STARD13: variants seen among roughly 807,000 people sequenced by gnomAD.
The protein encoded by STARD13 is stAR-related lipid transfer protein 13.
STARD13 carries 62 observed loss-of-function variants against 106.4 expected under a neutral mutation model. That is an observed-to-expected ratio of 0.58 (90% CI 0.48 to 0.72). The LOEUF (loss-of-function observed/expected upper bound fraction) is 0.72. STARD13 is among the 30% of genes least tolerant of loss of function. STARD13 has a pLI of 0.00. For missense variants in STARD13, 1,387 were observed against 1,424.0 expected (o/e 0.97, Z 0.42); for synonymous variants, 565 against 553.0 (o/e 1.02, Z -0.31).
rs181959489 is a variant in STARD13 at position 33,265,569 on chromosome 13, C to G, written c.169+19901G>C. Among the ~76,000 whole-genome samples, 39 of 152,218 alleles carry G rather than the reference C, an allele frequency of 2.6e-4. No homozygotes were observed. In the East Asian group the frequency reaches 6.6e-3, roughly 26 times the overall value. ...TTATGTTGTATTTGGGCAAATTTTA[C>G]TCTAAGAATTATAAAATATGAAATA... On this transcript the variant is annotated intron_variant, in intron 1 of 13. Coordinates refer to ENST00000336934, the MANE Select transcript of STARD13 (RefSeq NM_178006.4).
At chr13:33,444,859 C>G in the STARD13 span, among the ~76,000 whole-genome samples, 2 of 152,252 alleles carry the variant, frequency 1.3e-5, no homozygotes, top group South Asian at 4.1e-4. Context: ...TTTTGTAATA[C>G]CTCCAAAGCC....
chr13:33,172,873 C>A (rs989548506), intron 1 of STARD13, among the ~76,000 whole-genome samples: 2 of 152,116 alleles, frequency 1.3e-5, no homozygotes, highest in Non-Finnish European at 2.9e-5. Context: ...GTTGTTCCTA[C>A]AAATCTCCTT....
the STARD13 span, among the ~76,000 whole-genome samples, chr13:33,507,179 A>G: frequency 1.3e-5 from 2 of 152,330 alleles, no homozygotes; most frequent in East Asian, 3.9e-4. Flanking sequence ...AACAAACAAC[A>G]TAGTTATGAA....
At chr13:33,468,647 A>G in the STARD13 span, among the ~76,000 whole-genome samples, 5 of 151,244 alleles carry the variant, frequency 3.3e-5, no homozygotes, top group Non-Finnish European at 5.9e-5. Context: ...AAGCAAGAAG[A>G]CTCTCACCAG....
the STARD13 span, among the ~76,000 whole-genome samples, chr13:33,521,436 A>G: frequency 6.6e-6 from 1 of 152,154 alleles, no homozygotes; most frequent in South Asian, 2.1e-4. Context: ...TCTCTAGAAT[A>G]GGAAAACAGC....
rs756589256 is a variant in STARD13, at chr13:33,110,841, G to T, written c.2674C>A (p.Leu892Met). The change falls in exon 11 of 14, where the codon CTG (leucine) becomes ATG (methionine). Residue 892 changes from leucine (L) to methionine (M), a missense_variant. Transcript: ENST00000336934. Reference sequence around the variant, plus strand: ...TCCAGCTGTGTCCCCAATTCTTCCAGGGTTGGCACGTGGATCTCAGCCTCC... The same window carrying T: ...TCCAGCTGTGTCCCCAATTCTTCCATGGTTGGCACGTGGATCTCAGCCTCC... ...YVEAEIHVPT[L>M]EELGTQLEES... is the part of the protein sequence containing the mutation. The T allele has an allele frequency of 6.2e-7, 1 of 1,614,084 alleles. No homozygotes were observed. The highest frequency in any genetic ancestry group is 8.5e-7 in the Non-Finnish European group (1 of 1,180,040).
rs79363996 is a variant in STARD13, at chr13:33,127,220, G to A, written c.1922+153C>T. Among the ~76,000 whole-genome samples, 1,116 of 152,334 alleles carry A rather than the reference G, an allele frequency of 7.3e-3. 13 individuals are homozygous for A. The highest frequency in any genetic ancestry group is 0.025 in the African/African-American group (1,054 of 41,576). ...TTCCTGTAGGGTCCACTGCATCGAGGCTACGGCAGAGCTCATGCCTTATGT... is the reference window on the plus strand; with the variant it reads ...TTCCTGTAGGGTCCACTGCATCGAGACTACGGCAGAGCTCATGCCTTATGT... On this transcript the variant is annotated intron_variant, in intron 6 of 13. Coordinates refer to ENST00000336934, the MANE Select transcript of STARD13 (RefSeq NM_178006.4).
the STARD13 span, among the ~76,000 whole-genome samples, chr13:33,409,671 C>T: frequency 2.6e-5 from 4 of 152,112 alleles, no homozygotes; most frequent in African/African-American, 4.8e-5. Flanking sequence ...TACATTTCTC[C>T]CCACCTTGGA....
At chr13:33,409,204 C>T in the STARD13 span, among the ~76,000 whole-genome samples, 2 of 152,048 alleles carry the variant, frequency 1.3e-5, no homozygotes, top group African/African-American at 2.4e-5. Flanking sequence ...CATTTTTGTA[C>T]GATTTATATA....
intron 1 of STARD13, among the ~76,000 whole-genome samples, chr13:33,259,133 A>G (rs1890512539): frequency 6.6e-6 from 1 of 152,044 alleles, no homozygotes; most frequent in African/African-American, 2.4e-5. Context: ...CCCTGCCCCC[A>G]CTAGAATGGA....
chr13:33,624,035 C>T, the STARD13 span, among the ~76,000 whole-genome samples: 2 of 152,272 alleles, frequency 1.3e-5, no homozygotes, highest in South Asian at 2.1e-4. Context: ...AAATTACAAA[C>T]ATTTTGGCAA....
intron 2 of STARD13, among the ~76,000 whole-genome samples, chr13:33,166,760 C>T (rs114115595): frequency 0.016 from 2,381 of 152,022 alleles, 65 homozygotes; most frequent in African/African-American, 0.054. Flanking sequence ...TTAGGGAGGC[C>T]GAGGTGGGAA....
At chr13:33,627,972 T>C in the STARD13 span, among the ~76,000 whole-genome samples, 1 of 150,618 alleles carries the variant, frequency 6.6e-6, no homozygotes, top group African/African-American at 2.4e-5. Flanking sequence ...TTTCTTTCTT[T>C]TTTTTTTTTT....
At chr13:33,606,261 A>G in the STARD13 span, among the ~76,000 whole-genome samples, 1 of 152,188 alleles carries the variant, frequency 6.6e-6, no homozygotes, top group African/African-American at 2.4e-5. Flanking sequence ...AGATCGCACC[A>G]TTGCACTCCA....
chr13:33,236,255 T>C (rs1426889033), intron 1 of STARD13, among the ~76,000 whole-genome samples: 4 of 152,220 alleles, frequency 2.6e-5, no homozygotes, highest in Non-Finnish European at 1.5e-5. Context: ...CAGTAAGGCA[T>C]GATCCAAAAT....
intron 3 of STARD13, among the ~76,000 whole-genome samples, chr13:33,142,767 A>G (rs542143911): frequency 6.6e-6 from 1 of 152,338 alleles, no homozygotes; most frequent in East Asian, 1.9e-4. Flanking sequence ...ACAACCGTGT[A>G]TCTTCTCTCC....
chr13:33,350,501 C>G, exon 1 of STARD13: 1 of 1,462,590 alleles, frequency 6.8e-7, no homozygotes, highest in Non-Finnish European at 9.1e-7. Flanking sequence ...CTGGAAAGGA[C>G]GGACGCGGCA....
exon 1 of STARD13, chr13:33,350,408 G>A (rs924992221): frequency 5.2e-6 from 8 of 1,533,194 alleles, no homozygotes; most frequent in South Asian, 4.8e-5. Flanking sequence ...TCCGTTTGCT[G>A]GTCATTTTAG....
At chr13:33,432,751 T>C in the STARD13 span, among the ~76,000 whole-genome samples, 1 of 152,208 alleles carries the variant, frequency 6.6e-6, no homozygotes, top group African/African-American at 2.4e-5. Flanking sequence ...TTTTTAATGT[T>C]TGTATTTTCT....
Sources: allele counts gnomAD v4.1 joint callset (sites outside exome capture counted in the v4.1 genomes callset), GRCh38; gene constraint gnomAD v4.1.1; transcripts MANE v1.5; gene names NCBI Gene and HGNC (gene_info 2026-07-23, HGNC 2026-07-21).